The following MYO16 variants were observed in gnomAD, a reference collection of about 807,000 sequenced individuals.
The protein encoded by MYO16 is myosin XVI.
A neutral mutation model predicts 205.3 loss-of-function variants in MYO16; 94 were observed. The observed-to-expected ratio is 0.46, with a 90% CI of 0.39 to 0.54. The LOEUF is 0.54. Among genes scored for constraint, MYO16 ranks in the 20% least tolerant of loss-of-function variants. MYO16 has a pLI of 0.00. For synonymous variants in MYO16, 988 were observed against 954.0 expected, an observed-to-expected ratio of 1.04 and a Z score of -0.66; for missense variants, 2,315 against 2,387.5, an observed-to-expected ratio of 0.97 and a Z score of 0.63.
At chr13:108,767,559 G>T (rs777258229) in intron 4 of MYO16, among the ~76,000 whole-genome samples, 1 of 152,080 alleles carries the variant, frequency 6.6e-6, no homozygotes, top group Non-Finnish European at 1.5e-5. Context: ...AACATGGTTG[G>T]GTCTCAGTAT....
At chr13:108,828,754 T>C (rs1224974083) in intron 9 of MYO16, among the ~76,000 whole-genome samples, 2 of 152,138 alleles carry the variant, frequency 1.3e-5, no homozygotes, top group African/African-American at 2.4e-5. Context: ...GATGGCATCA[T>C]TGATGCCTAT....
chr13:108,987,384 C>T (rs1164974189), intron 20 of MYO16, among the ~76,000 whole-genome samples: 1 of 152,190 alleles, frequency 6.6e-6, no homozygotes, highest in Non-Finnish European at 1.5e-5. Context: ...CCACTTCTTC[C>T]CCCCAAGTTT....
chr13:109,186,779 C>G lies in MYO16; in HGVS notation c.5415+7146C>G, dbSNP rs899154836. On this transcript the variant is annotated intron_variant, in intron 34 of 34. Coordinates refer to ENST00000457511, the MANE Select transcript of MYO16 (RefSeq NM_001198950.3). ...ACCAAAGTGAGTGGAAAACTTACATCAAAATCATTTCCAAGTTATCAATGT... is the reference window on the plus strand; with the variant it reads ...ACCAAAGTGAGTGGAAAACTTACATGAAAATCATTTCCAAGTTATCAATGT... 5.3e-5 allele frequency among the ~76,000 whole-genome samples: 8 copies of G among 152,278 alleles called. No homozygotes were observed. In the East Asian group the frequency reaches 1.2e-3, roughly 22 times the overall value.
chr13:108,714,590 GTC>G lies in MYO16; in HGVS notation c.363+1861_363+1862del, dbSNP rs545281140. 8.8e-3 allele frequency among the ~76,000 whole-genome samples: 897 copies of G among 102,462 alleles called. 9 individuals carry two copies. Among genetic ancestry groups the G allele is most frequent in the African/African-American group, 0.028 (842 of 30,576 alleles). 67.2% of individuals were successfully genotyped at this position (102,462 alleles called of 152,430 possible). On this transcript the variant is annotated intron_variant, in intron 3 of 34. Coordinates refer to ENST00000457511, the MANE Select transcript of MYO16 (RefSeq NM_001198950.3). ...GACTGTCACTTCTTCACGTGTGTGTGTCTGTGTGTGTGTGTGTGTGTGTATAT... is the reference window on the plus strand; with the variant it reads ...GACTGTCACTTCTTCACGTGTGTGTGTGTGTGTGTGTGTGTGTGTGTATAT...
intron 1 of MYO16, among the ~76,000 whole-genome samples, chr13:108,645,390 C>T (rs74332969): frequency 0.059 from 9,009 of 152,104 alleles, 636 homozygotes; most frequent in East Asian, 0.18. Context: ...TTTGCAGTGT[C>T]GAAAATGACC....
chr13:109,125,182 T>C lies in MYO16; in HGVS notation c.3606T>C (p.Ser1202=). 6.2e-7 allele frequency: 1 copy of C among 1,614,164 alleles called. No homozygotes were observed. The highest frequency in any genetic ancestry group is 8.5e-7 in the Non-Finnish European group (1 of 1,180,018). ...RISIRQQEVT[S]INSFLQNTED... ...GCATCAGACAACAAGAGGTGACTTC[T>C]ATCAATAGCTTTCTGCAGAACACAG... is the stretch of plus-strand genomic sequence containing the variant. Residue 1202 remains serine, a synonymous_variant, in exon 30 of 35, where the codon TCT becomes TCC. Coordinates refer to ENST00000457511, the MANE Select transcript of MYO16 (RefSeq NM_001198950.3). This position sits in a 1 kb window ranked among gnomAD's most constrained non-coding sequence, Gnocchi z 4.0.
intron 11 of MYO16, among the ~76,000 whole-genome samples, chr13:108,860,721 C>G (rs1878411333): frequency 6.6e-6 from 1 of 152,142 alleles, no homozygotes; most frequent in Admixed American, 6.6e-5. Context: ...ATAAATGGTG[C>G]TGGGACAACC....
intron 4 of MYO16, among the ~76,000 whole-genome samples, chr13:108,731,156 A>G (rs1884509217): frequency 6.6e-6 from 1 of 152,200 alleles, no homozygotes. Context: ...CACCAGCTTC[A>G]GGTTAGGCAT....
chr13:108,519,664 C>G, the MYO16 span, among the ~76,000 whole-genome samples: 7 of 150,962 alleles, frequency 4.6e-5, no homozygotes, highest in South Asian at 1.5e-3. Flanking sequence ...CACACACACA[C>G]CCCACCAGAA....
intron 27 of MYO16, among the ~76,000 whole-genome samples, chr13:109,078,410 C>T (rs141161754): frequency 7.2e-5 from 11 of 152,068 alleles, no homozygotes; most frequent in South Asian, 2.1e-4. Flanking sequence ...CACTGTGCTC[C>T]GGTCTGGGCA....
At chr13:109,061,192 C>T (rs897841313) in intron 27 of MYO16, among the ~76,000 whole-genome samples, 2 of 152,126 alleles carry the variant, frequency 1.3e-5, no homozygotes, top group Non-Finnish European at 2.9e-5. Context: ...TGTGGCTGAT[C>T]TTATCTTCTG....
intron 23 of MYO16, among the ~76,000 whole-genome samples, chr13:109,041,312 G>A (rs1886876724): frequency 6.6e-6 from 1 of 152,200 alleles, no homozygotes; most frequent in East Asian, 1.9e-4. Flanking sequence ...TTGACATATA[G>A]GCTAATGCAT....
At chr13:109,173,930 G>A (rs1298564719) in intron 33 of MYO16, among the ~76,000 whole-genome samples, 17 of 115,768 alleles carry the variant, frequency 1.5e-4, no homozygotes, top group Admixed American at 1.4e-3. Flanking sequence ...TCTCTGAAAG[G>A]GTTGTCCTTG....
chr13:108,959,784 C>G (rs1283719284), intron 17 of MYO16, among the ~76,000 whole-genome samples: 1 of 152,140 alleles, frequency 6.6e-6, no homozygotes, highest in Non-Finnish European at 1.5e-5. Context: ...GCACAGCCTC[C>G]TTTCTGCTCA....
chr13:108,567,259 C>T, the MYO16 span, among the ~76,000 whole-genome samples: 3 of 151,842 alleles, frequency 2.0e-5, no homozygotes, highest in Middle Eastern at 3.2e-3. Flanking sequence ...AGGGAAGTGT[C>T]AAAAGAATGA....
intron 4 of MYO16, among the ~76,000 whole-genome samples, chr13:108,742,435 A>G (rs1001194520): frequency 6.6e-6 from 1 of 152,140 alleles, no homozygotes; most frequent in African/African-American, 2.4e-5. Context: ...TGATTATATA[A>G]TTATATAAAA....
intron 8 of MYO16, among the ~76,000 whole-genome samples, chr13:108,820,908 TTAATA>T (rs1875933023): frequency 2.9e-5 from 1 of 34,048 alleles, no homozygotes; most frequent in African/African-American, 3.2e-5. Context: ...TACTTATTTT[TTAATA>T]AATATATTTT....
At chr13:108,869,126 A>G (rs567961208) in intron 12 of MYO16, among the ~76,000 whole-genome samples, 1 of 152,252 alleles carries the variant, frequency 6.6e-6, no homozygotes, top group African/African-American at 2.4e-5. Flanking sequence ...TAAGGTTTAG[A>G]ATCAGCTTGT....
Position 108,629,839 on chromosome 13 carries a change from G to A in MYO16, c.-6G>A, listed in dbSNP as rs1280941181. The A allele has an allele frequency of 1.0e-5, 16 of 1,529,172 alleles. No individual in the cohort carries two copies. In the South Asian group the frequency reaches 1.8e-4, roughly 17 times the overall value. 94.7% of individuals were successfully genotyped at this position (1,529,172 alleles called of 1,614,324 possible). On this transcript the variant is annotated 5_prime_UTR_variant, in exon 1 of 35. It removes an upstream start codon present in the reference 5' UTR. Coordinates refer to ENST00000457511, the MANE Select transcript of MYO16 (RefSeq NM_001198950.3). ...CCGTAGCAAGATTCCTGTCTGAGATGGAAAGATGTCTCACTATCATTTTAT... is the reference window on the plus strand; with the variant it reads ...CCGTAGCAAGATTCCTGTCTGAGATAGAAAGATGTCTCACTATCATTTTAT...
Sources: gnomAD v4.1 joint callset for allele counts (sites outside exome capture counted in the v4.1 genomes callset) on GRCh38, gnomAD v4.1.1 for gene constraint, Gnocchi (gnomAD v3.1) non-coding constraint, MANE v1.5 for transcripts, NCBI Gene and HGNC (gene_info 2026-07-23, HGNC 2026-07-21) for gene names.